The following GREB1 variants were observed in gnomAD, a reference collection of about 807,000 sequenced individuals.
The protein encoded by GREB1 is growth regulating estrogen receptor binding 1.
GREB1 carries 106 observed loss-of-function variants against 200.7 expected under a neutral mutation model. The ratio of observed to expected loss-of-function variants is 0.53; its 90% confidence interval spans 0.45 to 0.62. GREB1 has a LOEUF of 0.62. Among genes scored for constraint, GREB1 ranks in the 20% least tolerant of loss-of-function variants. The pLI, the probability that GREB1 is intolerant of heterozygous loss-of-function variation, is 0.00. For synonymous variants in GREB1, 1,132 were observed against 1,092.4 expected (o/e 1.04, Z -0.72); for missense variants, 2,243 against 2,556.8 (o/e 0.88, Z 2.65).
At position 11,597,113 on chromosome 2, in the gene GREB1, CT is replaced by C. The variant is rs1681342154; in HGVS notation, c.1955-667del. On this transcript the variant is annotated intron_variant, in intron 13 of 32. Coordinates refer to ENST00000381486, the MANE Select transcript of GREB1 (RefSeq NM_014668.4). This position sits in a 1 kb window ranked among gnomAD's most constrained non-coding sequence, Gnocchi z 4.1. ...TGAGGGGACAGAGGGCTCATGTGTG[CT>C]CGGTGGGCGATGAGAGGGCACTGGC... 5.3e-5 allele frequency among the ~76,000 whole-genome samples: 8 copies of C among 151,840 alleles called. No individual in the cohort carries two copies. Among genetic ancestry groups the C allele is most frequent in the Admixed American group, 5.2e-4 (8 of 15,256 alleles).
chr2:11,525,508 A>AAT (rs1553343048), intron 1 of GREB1, among the ~76,000 whole-genome samples: 5,044 of 151,700 alleles, frequency 0.033, 326 homozygotes, highest in African/African-American at 0.12. Context: ...AAAAAAAAAA[A>AAT]AAAAAAAAAG....
chr2:11,566,504 T>C lies in GREB1; in HGVS notation c.302T>C (p.Leu101Pro). The change falls in exon 4 of 33, where the codon CTG (leucine) becomes CCG (proline). Residue 101 changes from leucine (L) to proline (P), a missense_variant. This residue lies in a region of GREB1 where 1,178 missense variants were observed against 1,387.4 expected (regional missense o/e 0.85). Transcript: ENST00000381486. Reference sequence around the variant, plus strand: ...GGGTTTTGCCAGGCCGGGAAGGACCTGCGCCTTGTCTCCATTTCCAACGAG... The same window carrying C: ...GGGTTTTGCCAGGCCGGGAAGGACCCGCGCCTTGTCTCCATTTCCAACGAG... The part of the protein sequence containing the change: ...TDGFCQAGKD[L>P]RLVSISNEPM... 1 of 1,612,664 alleles carries C rather than the reference T, an allele frequency of 6.2e-7. No homozygotes were observed. The highest frequency in any genetic ancestry group is 1.1e-5 in the South Asian group (1 of 90,886).
intron 2 of GREB1, among the ~76,000 whole-genome samples, chr2:11,562,073 T>G (rs914864444): frequency 6.6e-6 from 1 of 152,232 alleles, no homozygotes; most frequent in African/African-American, 2.4e-5. Context: ...CGCTCAGTCC[T>G]TATCAACCAA....
chr2:11,553,506 C>A (rs1007413570), intron 1 of GREB1, among the ~76,000 whole-genome samples: 1 of 151,822 alleles, frequency 6.6e-6, no homozygotes, highest in East Asian at 1.9e-4. Context: ...AAACAAAAAA[C>A]CCCACTTTTC....
rs1266631918 is a variant in GREB1, at chr2:11,493,471, G to GT, written c.-159+11091dup. 6.6e-6 allele frequency among the ~76,000 whole-genome samples: 1 copy of GT among 152,140 alleles called. No individual in the cohort carries two copies. Among genetic ancestry groups the GT allele is most frequent in the Non-Finnish European group, 1.5e-5 (1 of 68,032 alleles). On this transcript the variant is annotated intron_variant, in intron 1 of 2. Transcript: ENST00000628795. This position sits in a 1 kb window ranked among gnomAD's most constrained non-coding sequence, Gnocchi z 4.6. ...TCTGACAGGAGGTGGAGCTCAGGTG[G>GT]TAATGACAGCAATGGGGAGCGACTG...
chr2:11,598,657 G>C, intron 14 of GREB1, 23 bp from the exon 15 acceptor site: 1 of 1,610,654 alleles, frequency 6.2e-7, no homozygotes, highest in East Asian at 2.2e-5. Context: ...TGCAGTTACT[G>C]ATGTATGTTC....
At chr2:11,587,744 C>CACG in intron 9 of GREB1, 2 of 1,168,750 alleles carry the variant, frequency 1.7e-6, no homozygotes, top group Non-Finnish European at 2.1e-6. Context: ...CACACACACG[C>CACG]CACCTTTGGG....
intron 1 of GREB1, among the ~76,000 whole-genome samples, chr2:11,555,546 C>T (rs1013781079): frequency 1.3e-5 from 2 of 152,168 alleles, no homozygotes; most frequent in Non-Finnish European, 2.9e-5. Context: ...CATCAAAATA[C>T]GTGAGTGGGA....
At chr2:11,541,690 AAC>A (rs1204783315) in intron 1 of GREB1, among the ~76,000 whole-genome samples, 1 of 152,126 alleles carries the variant, frequency 6.6e-6, no homozygotes, top group Non-Finnish European at 1.5e-5. Flanking sequence ...AGGAATCTCA[AAC>A]ACAGCCTCAT....
chr2:11,594,210 A>G (rs1460479988), intron 11 of GREB1, among the ~76,000 whole-genome samples: 4 of 151,670 alleles, frequency 2.6e-5, no homozygotes, highest in African/African-American at 9.7e-5. Flanking sequence ...GGGTTTTGCA[A>G]TGTTGCCCAG....
At chr2:11,545,034 C>T (rs552580027) in intron 1 of GREB1, among the ~76,000 whole-genome samples, 4 of 151,942 alleles carry the variant, frequency 2.6e-5, no homozygotes, top group African/African-American at 9.7e-5. Context: ...AGGCTGGTCT[C>T]GAACTCCTGA....
chr2:11,595,625 T>A (rs1304736850), intron 12 of GREB1, among the ~76,000 whole-genome samples: 4 of 152,266 alleles, frequency 2.6e-5, no homozygotes, highest in Middle Eastern at 6.8e-3. Context: ...GGGCACCTTG[T>A]GGGTTCTTCT....
chr2:11,522,907 C>T (rs1673749450), intron 1 of GREB1, among the ~76,000 whole-genome samples: 2 of 152,212 alleles, frequency 1.3e-5, no homozygotes, highest in Admixed American at 1.3e-4. Context: ...TGTTTGACAT[C>T]TTCCAGTTAG....
chr2:11,625,910 G>A (rs1411911171), intron 24 of GREB1, among the ~76,000 whole-genome samples: 2 of 152,212 alleles, frequency 1.3e-5, no homozygotes, highest in African/African-American at 4.8e-5. Context: ...CACAATCGTG[G>A]TGGAAGGTGA....
intron 1 of GREB1, among the ~76,000 whole-genome samples, chr2:11,551,680 GT>G (rs890457919): frequency 6.6e-6 from 1 of 152,196 alleles, no homozygotes; most frequent in Non-Finnish European, 1.5e-5. Context: ...GCTGTTCTTA[GT>G]TTTTTTTCCA....
At chr2:11,516,612 C>A (rs980087078) in intron 1 of GREB1, among the ~76,000 whole-genome samples, 1 of 152,160 alleles carries the variant, frequency 6.6e-6, no homozygotes, top group Non-Finnish European at 1.5e-5. Context: ...CAGATGGAGA[C>A]CAGAATCTCA....
At chr2:11,592,172 C>A in intron 10 of GREB1, 5 of 837,950 alleles carry the variant, frequency 6.0e-6, no homozygotes, top group Non-Finnish European at 7.2e-6. Context: ...AATTTGGCTT[C>A]CTACTTTTTT....
intron 10 of GREB1, among the ~76,000 whole-genome samples, chr2:11,590,178 C>T (rs542146696): frequency 6.6e-6 from 1 of 152,076 alleles, no homozygotes; most frequent in Non-Finnish European, 1.5e-5. Context: ...AGCATTGTCG[C>T]TCTTTCTCAT....
Position 11,596,246 on chromosome 2 carries a change from G to T in GREB1, c.1954+7G>T. The stretch of plus-strand genomic sequence containing the variant: ...GGGACACCGGTGTGCACAAGTGAGT[G>T]GTGAAAAGGAATCTCCCAGGGTGGA... On this transcript the variant is annotated splice_region_variant and intron_variant, in intron 13 of 32. Coordinates refer to ENST00000381486, the MANE Select transcript of GREB1 (RefSeq NM_014668.4). 6.2e-7 allele frequency: 1 copy of T among 1,611,704 alleles called. No individual in the cohort carries two copies. Among genetic ancestry groups the T allele is most frequent in the Non-Finnish European group, 8.5e-7 (1 of 1,178,520 alleles).
Sources: gnomAD v4.1 joint callset for allele counts (sites outside exome capture counted in the v4.1 genomes callset) on GRCh38, gnomAD v4.1.1 for gene constraint, gnomAD v4.1.1 regional missense constraint, Gnocchi (gnomAD v3.1) non-coding constraint, MANE v1.5 for transcripts, NCBI Gene and HGNC (gene_info 2026-07-23, HGNC 2026-07-21) for gene names.